Variants in TBC1D32 observed in about 807,000 individuals in gnomAD.
The protein encoded by TBC1D32 is TBC1 domain family member 32, also known as protein broad-minded.
TBC1D32 carries 151 observed loss-of-function variants against 170.3 expected under a neutral mutation model. That is an observed-to-expected ratio of 0.89 (90% CI 0.78 to 1.01). The LOEUF is 1.01. Ranked by LOEUF, TBC1D32 falls within the 50% of genes least tolerant of loss-of-function variation. The pLI, the probability that TBC1D32 is intolerant of heterozygous loss-of-function variation, is 0.00. For missense variants in TBC1D32, 1,464 were observed against 1,457.1 expected, an observed-to-expected ratio of 1.00 and a Z score of -0.08; for synonymous variants, 498 against 488.0, an observed-to-expected ratio of 1.02 and a Z score of -0.27.
intron 17 of TBC1D32, among the ~76,000 whole-genome samples, chr6:121,250,269 C>G (rs1052263726): frequency 2.0e-5 from 3 of 151,984 alleles, no homozygotes; most frequent in African/African-American, 7.2e-5. Flanking sequence ...CAAAACCTGG[C>G]AGAGACACAA....
intron 24 of TBC1D32, among the ~76,000 whole-genome samples, chr6:121,138,549 T>C (rs1782399833): frequency 6.6e-6 from 1 of 152,132 alleles, no homozygotes; most frequent in Admixed American, 6.5e-5. Flanking sequence ...AAAACCATAA[T>C]CTCAGTCATA....
At chr6:121,293,011 T>C (rs1805094827) in intron 11 of TBC1D32, among the ~76,000 whole-genome samples, 1 of 152,280 alleles carries the variant, frequency 6.6e-6, no homozygotes, top group South Asian at 2.1e-4. Context: ...AGCCATGTCA[T>C]ATACTCTCTG....
At chr6:121,188,054 C>A (rs1452561580) in intron 22 of TBC1D32, among the ~76,000 whole-genome samples, 1 of 152,078 alleles carries the variant, frequency 6.6e-6, no homozygotes, top group African/African-American at 2.4e-5. Context: ...ATACCAACTA[C>A]CAGTTTTGTC....
chr6:121,138,281 T>C (rs1782365682), intron 24 of TBC1D32, among the ~76,000 whole-genome samples: 1 of 152,204 alleles, frequency 6.6e-6, no homozygotes, highest in South Asian at 2.1e-4. Flanking sequence ...GGATTTATCA[T>C]CCCACGTTTG....
At chr6:121,133,802 T>C (rs1781713041) in intron 24 of TBC1D32, among the ~76,000 whole-genome samples, 1 of 152,074 alleles carries the variant, frequency 6.6e-6, no homozygotes, top group Non-Finnish European at 1.5e-5. Context: ...TACTAATCTA[T>C]TTTATTTGAA....
intron 31 of TBC1D32, among the ~76,000 whole-genome samples, chr6:121,090,424 T>C (rs895187380): frequency 2.0e-5 from 3 of 152,214 alleles, no homozygotes; most frequent in Non-Finnish European, 4.4e-5. Context: ...ATGAGTGCTA[T>C]GATAAAATAA....
rs768701452 is a variant in TBC1D32, at chr6:121,256,295, G to C, written c.1734-10C>G. ...ATGAGCACCTGTAGGACTAAAAGAT[G>C]ATACCTGAAAGTGATTCCAAGGTTA... is the stretch of plus-strand genomic sequence containing the variant. On this transcript the variant is annotated splice_polypyrimidine_tract_variant and intron_variant, in intron 15 of 31. Transcript: ENST00000398212. The C allele has an allele frequency of 5.6e-6, 9 of 1,599,950 alleles. No homozygotes were observed. The highest frequency in any genetic ancestry group is 7.7e-6 in the Non-Finnish European group (9 of 1,172,764).
At chr6:121,221,350 T>A (rs1794493904) in intron 21 of TBC1D32, among the ~76,000 whole-genome samples, 1 of 152,210 alleles carries the variant, frequency 6.6e-6, no homozygotes, top group African/African-American at 2.4e-5. Flanking sequence ...TTAAGGAGAT[T>A]AATATTGTTT....
intron 22 of TBC1D32, among the ~76,000 whole-genome samples, chr6:121,176,323 G>A (rs1376120214): frequency 6.6e-6 from 1 of 152,124 alleles, no homozygotes; most frequent in Non-Finnish European, 1.5e-5. Context: ...ACAGCAAATA[G>A]CTTCAGTCAA....
At chr6:121,269,180 G>A (rs773848285) in intron 15 of TBC1D32, among the ~76,000 whole-genome samples, 28 of 152,250 alleles carry the variant, frequency 1.8e-4, no homozygotes, top group African/African-American at 5.8e-4. Context: ...ACAGACCATC[G>A]AGGCTCGGAA....
At position 121,292,033 on chromosome 6, in the gene TBC1D32, T is replaced by G. The variant is rs776633332; in HGVS notation, c.1372+20A>C. 6.5e-7 allele frequency: 1 copy of G among 1,548,106 alleles called. No homozygotes were observed. The highest frequency in any genetic ancestry group is 2.0e-5 in the Admixed American group (1 of 49,108). On this transcript the variant is annotated intron_variant, in intron 12 of 31. Coordinates refer to ENST00000398212, the MANE Select transcript of TBC1D32 (RefSeq NM_152730.6). ...ATCTTAGCATATCTTAACAAATTTA[T>G]TTCTCCTAATTGTACTTACCTTTTT...
intron 19 of TBC1D32, among the ~76,000 whole-genome samples, chr6:121,240,038 T>C (rs918194003): frequency 3.9e-5 from 6 of 152,100 alleles, no homozygotes; most frequent in Admixed American, 2.0e-4. Flanking sequence ...CATTTGAAAA[T>C]TGAAATAATG....
chr6:121,269,077 C>T (rs1800967704), intron 15 of TBC1D32, among the ~76,000 whole-genome samples: 1 of 152,136 alleles, frequency 6.6e-6, no homozygotes, highest in Admixed American at 6.5e-5. Flanking sequence ...GATTTTGTCA[C>T]CACCAGGCCT....
chr6:121,316,742 C>T (rs762372168), intron 3 of TBC1D32, among the ~76,000 whole-genome samples: 8 of 152,228 alleles, frequency 5.3e-5, no homozygotes, highest in Non-Finnish European at 1.0e-4. Flanking sequence ...TTCACCCAAA[C>T]TCCTCAAATC....
At chr6:121,234,278 G>A (rs112627191) in intron 20 of TBC1D32, among the ~76,000 whole-genome samples, 2,870 of 152,160 alleles carry the variant, frequency 0.019, 102 homozygotes, top group African/African-American at 0.066. Flanking sequence ...GCTGGGGTTA[G>A]TTTTCCTTTA....
At chr6:121,108,638 TTAA>T (rs2128193705) in intron 29 of TBC1D32, among the ~76,000 whole-genome samples, 1 of 152,174 alleles carries the variant, frequency 6.6e-6, no homozygotes, top group East Asian at 1.9e-4. Flanking sequence ...ACTTTAGTGA[TTAA>T]TAATAAAAGA....
chr6:121,114,581 T>C (rs1208345916), intron 27 of TBC1D32, among the ~76,000 whole-genome samples: 1 of 152,172 alleles, frequency 6.6e-6, no homozygotes, highest in African/African-American at 2.4e-5. Flanking sequence ...AATACCCAGC[T>C]TTTTAAACAA....
intron 3 of TBC1D32, among the ~76,000 whole-genome samples, chr6:121,315,121 A>G (rs988903160): frequency 1.3e-5 from 2 of 152,236 alleles, no homozygotes; most frequent in Non-Finnish European, 2.9e-5. Flanking sequence ...GTAGCTGGGA[A>G]AAGAATAAAA....
intron 5 of TBC1D32, 86 bp from the exon 6 acceptor site, chr6:121,304,919 GAAAAT>G: frequency 1.1e-6 from 1 of 894,484 alleles, no homozygotes; most frequent in Non-Finnish European, 1.8e-6. Context: ...TAAAAACTCA[GAAAAT>G]AAAATAAATA....
Sources: allele counts gnomAD v4.1 joint callset (sites outside exome capture counted in the v4.1 genomes callset), GRCh38; gene constraint gnomAD v4.1.1; transcripts MANE v1.5; gene names NCBI Gene and HGNC (gene_info 2026-07-23, HGNC 2026-07-21).